The following GRIN2B variants were observed in gnomAD, a reference collection of about 807,000 sequenced individuals.
GRIN2B encodes the protein glutamate ionotropic receptor NMDA type subunit 2B.
A neutral mutation model predicts 114.5 loss-of-function variants in GRIN2B; 5 were observed. The ratio of observed to expected loss-of-function variants is 0.04; its 90% CI spans 0.02 to 0.09. GRIN2B has a LOEUF of 0.09. GRIN2B is among the 10% of genes least tolerant of loss of function. The pLI, the probability that GRIN2B is intolerant of heterozygous loss-of-function variation, is 1.00. For missense variants in GRIN2B, 1,108 were observed against 1,943.5 expected (o/e 0.57, Z 8.08); for synonymous variants, 787 against 745.1 (o/e 1.06, Z -0.92).
chr12:13,678,666 G>A (rs1187221388), intron 4 of GRIN2B, among the ~76,000 whole-genome samples: 1 of 152,040 alleles, frequency 6.6e-6, no homozygotes, highest in African/African-American at 2.4e-5. Flanking sequence ...CTGTTCCTCA[G>A]CTCTCAGCCC....
rs1331828444 is a variant in GRIN2B at position 13,551,626 on chromosome 12, T to C, written c.*11157A>G. Reference sequence around the variant, plus strand: ...TTCATCTACCATAACATGATTGACATAGGAAATTTGGATCTATTTGTTAAG... The same window carrying C: ...TTCATCTACCATAACATGATTGACACAGGAAATTTGGATCTATTTGTTAAG... On this transcript the variant is annotated 3_prime_UTR_variant, in exon 14 of 14. Coordinates refer to ENST00000609686, the MANE Select transcript of GRIN2B (RefSeq NM_000834.5). 1 of 152,166 alleles carries C rather than the reference T, an allele frequency of 6.6e-6. No homozygotes were observed. The highest frequency in any genetic ancestry group is 1.5e-5 in the Non-Finnish European group (1 of 68,028). 9.4% of individuals were successfully genotyped at this position (152,166 alleles called of 1,614,324 possible).
At chr12:13,686,979 G>T (rs1294629223) in intron 4 of GRIN2B, among the ~76,000 whole-genome samples, 2 of 152,000 alleles carry the variant, frequency 1.3e-5, no homozygotes, top group Admixed American at 6.6e-5. Flanking sequence ...AAGAGTCTGG[G>T]TGCACCCCCC....
intron 2 of GRIN2B, among the ~76,000 whole-genome samples, chr12:13,922,334 A>G (rs1866838441): frequency 6.6e-6 from 1 of 152,178 alleles, no homozygotes; most frequent in African/African-American, 2.4e-5. Context: ...CCCCGCTTCC[A>G]CAATGGAAGG....
intron 3 of GRIN2B, among the ~76,000 whole-genome samples, chr12:13,845,250 A>G (rs1865449462): frequency 6.6e-6 from 1 of 152,184 alleles, no homozygotes; most frequent in Non-Finnish European, 1.5e-5. Context: ...AAGTTCATAT[A>G]ATCTCTAATA....
intron 6 of GRIN2B, 96 bp downstream of exon 6, chr12:13,616,359 A>T: frequency 2.3e-6 from 2 of 863,880 alleles, no homozygotes; most frequent in Admixed American, 3.7e-5. Flanking sequence ...ACAGTGCCCA[A>T]TTCTCATGCC....
chr12:13,615,387 A>G lies in GRIN2B; in HGVS notation c.1500+106T>C. The G allele has an allele frequency of 4.2e-6, 6 of 1,422,176 alleles. No homozygotes were observed. In the South Asian group the frequency reaches 6.9e-5, roughly 16 times the overall value. 88.1% of individuals were successfully genotyped at this position (1,422,176 alleles called of 1,614,324 possible). A position where few individuals can be genotyped will look rare whatever the true frequency, so the allele number is the denominator to read the frequency against. On this transcript the variant is annotated intron_variant, in intron 7 of 13. Coordinates refer to ENST00000609686, the MANE Select transcript of GRIN2B (RefSeq NM_000834.5). The surrounding 1 kb of genome is among the most constrained non-coding windows in gnomAD (Gnocchi z 5.8). ...GTGGGAACAATACATCTTATTTGCC[A>G]TTTTATATTTTCTGAAATGCATAAA... is the stretch of plus-strand genomic sequence containing the variant.
intron 10 of GRIN2B, among the ~76,000 whole-genome samples, chr12:13,607,335 TTATATATAATATATAAAA>T (rs1949278814): frequency 3.6e-5 from 2 of 55,188 alleles, no homozygotes; most frequent in Non-Finnish European, 6.6e-5. Flanking sequence ...ATAATATATA[TTATATATAATATATAAAA>T]TATATAATAT....
chr12:13,718,899 G>A (rs1187616280), intron 4 of GRIN2B, among the ~76,000 whole-genome samples: 1 of 151,988 alleles, frequency 6.6e-6, no homozygotes, highest in African/African-American at 2.4e-5. Flanking sequence ...CTTGCACAGG[G>A]ACTAAAGATG....
chr12:13,569,519 T>C (rs1370101044), intron 12 of GRIN2B, among the ~76,000 whole-genome samples: 1 of 152,126 alleles, frequency 6.6e-6, no homozygotes, highest in Non-Finnish European at 1.5e-5. Context: ...CACCAGATAC[T>C]ATAGGAGAGG....
At chr12:13,590,580 CA>C (rs1440745606) in intron 10 of GRIN2B, among the ~76,000 whole-genome samples, 1 of 152,150 alleles carries the variant, frequency 6.6e-6, no homozygotes, top group Non-Finnish European at 1.5e-5. Flanking sequence ...GACATGAACT[CA>C]TTTTTTTTAT....
At chr12:13,694,656 CATATATATATATAT>C (rs67570541) in intron 4 of GRIN2B, among the ~76,000 whole-genome samples, 2,801 of 71,254 alleles carry the variant, frequency 0.039, 91 homozygotes, top group South Asian at 0.052. Context: ...AAGAAAATGT[CATATATATATATAT>C]ATATATATAT....
intron 5 of GRIN2B, among the ~76,000 whole-genome samples, chr12:13,663,618 C>G (rs964028335): frequency 2.6e-5 from 4 of 152,138 alleles, no homozygotes; most frequent in African/African-American, 9.7e-5. Flanking sequence ...TTAATTAAGA[C>G]TCACCTTTTA....
chr12:13,809,508 A>T (rs968373798), intron 3 of GRIN2B, among the ~76,000 whole-genome samples: 1 of 152,198 alleles, frequency 6.6e-6, no homozygotes, highest in Admixed American at 6.5e-5. Context: ...GAGATATTTT[A>T]AAATAATGGT....
At chr12:13,644,270 A>G (rs1949743783) in intron 5 of GRIN2B, among the ~76,000 whole-genome samples, 1 of 152,180 alleles carries the variant, frequency 6.6e-6, no homozygotes, top group Admixed American at 6.5e-5. Flanking sequence ...TTGTACATCC[A>G]CATGAGAGGT....
intron 10 of GRIN2B, among the ~76,000 whole-genome samples, chr12:13,603,253 A>G (rs1949188535): frequency 6.6e-6 from 1 of 152,198 alleles, no homozygotes; most frequent in African/African-American, 2.4e-5. Context: ...CTATCTATCT[A>G]ATTATTATGG....
At chr12:13,961,278 G>C (rs1035772449) in intron 2 of GRIN2B, among the ~76,000 whole-genome samples, 5 of 152,110 alleles carry the variant, frequency 3.3e-5, no homozygotes, top group African/African-American at 1.2e-4. Context: ...TCCACACTGA[G>C]AGGTAAGGTC....
At chr12:13,625,810 T>C (rs1469213256) in intron 5 of GRIN2B, among the ~76,000 whole-genome samples, 1 of 152,156 alleles carries the variant, frequency 6.6e-6, no homozygotes, top group Non-Finnish European at 1.5e-5. Context: ...CCCTTCTGAA[T>C]TTACCCAAGG....
At chr12:13,840,804 T>G (rs1865365652) in intron 3 of GRIN2B, among the ~76,000 whole-genome samples, 1 of 151,748 alleles carries the variant, frequency 6.6e-6, no homozygotes, top group Non-Finnish European at 1.5e-5. Context: ...TTTTTTGTTG[T>G]TGGTGGTGAT....
intron 10 of GRIN2B, among the ~76,000 whole-genome samples, chr12:13,581,507 G>C (rs1354205174): frequency 1.3e-5 from 2 of 152,104 alleles, no homozygotes; most frequent in South Asian, 2.1e-4. Flanking sequence ...AGAAGGTCAG[G>C]TGACCACACA....
Sources: allele counts gnomAD v4.1 joint callset (sites outside exome capture counted in the v4.1 genomes callset), GRCh38; gene constraint gnomAD v4.1.1; non-coding constraint Gnocchi (gnomAD v3.1); transcripts MANE v1.5; gene names NCBI Gene and HGNC (gene_info 2026-07-23, HGNC 2026-07-21).